HIP1R: variants seen among roughly 807,000 people sequenced by gnomAD.
HIP1R encodes the protein huntingtin interacting protein 1 related.
In HIP1R, 135 loss-of-function variants were observed where a neutral mutation model predicts 144.2. The ratio of observed to expected loss-of-function variants is 0.94; its 90% confidence interval spans 0.81 to 1.08. The LOEUF (loss-of-function observed/expected upper bound fraction) is 1.08. Ranked by LOEUF, HIP1R falls within the 50% of genes least tolerant of loss-of-function variation. The pLI, the probability that HIP1R is intolerant of heterozygous loss-of-function variation, is 0.00. For missense variants in HIP1R, 1,462 were observed against 1,432.8 expected, an observed-to-expected ratio of 1.02 and a Z score of -0.33; for synonymous variants, 698 against 612.8, an observed-to-expected ratio of 1.14 and a Z score of -2.05.
intron 7 of HIP1R, among the ~76,000 whole-genome samples, chr12:122,852,804 A>G (rs190440107): frequency 6.6e-6 from 1 of 152,168 alleles, no homozygotes; most frequent in Non-Finnish European, 1.5e-5. Context: ...GTGTGAAATC[A>G]AGCAGATTGC....
chr12:122,841,821 T>TG (rs1245878284), intron 1 of HIP1R, among the ~76,000 whole-genome samples: 1 of 152,108 alleles, frequency 6.6e-6, no homozygotes, highest in Non-Finnish European at 1.5e-5. Context: ...CCACAAAGCC[T>TG]GGGGCGGAGG....
chr12:122,836,127 C>T lies in HIP1R; in HGVS notation c.93+484C>T, dbSNP rs1374917460. ...TGCCGGCTCCTGCCCCCGTCTCCTA[C>T]CCCCTGAAACCGATGCCCCCACGGG... On this transcript the variant is annotated intron_variant, in intron 1 of 31. Coordinates refer to ENST00000253083, the MANE Select transcript of HIP1R (RefSeq NM_003959.3). This position sits in a 1 kb window ranked among gnomAD's most constrained non-coding sequence, Gnocchi z 4.1. 6.6e-6 allele frequency among the ~76,000 whole-genome samples: 1 copy of T among 152,002 alleles called. No homozygotes were observed. The highest frequency in any genetic ancestry group is 1.5e-5 in the Non-Finnish European group (1 of 67,988).
At chr12:122,857,806 A>T in intron 18 of HIP1R, 1 of 353,550 alleles carries the variant, frequency 2.8e-6, no homozygotes. Context: ...CACGGTCTTG[A>T]TTTGTGTTTC....
intron 7 of HIP1R, 146 bp downstream of exon 7, chr12:122,851,443 A>C: frequency 1.7e-6 from 1 of 598,262 alleles, no homozygotes. Context: ...CACATCTGTA[A>C]TCCCAGCATT....
chr12:122,838,489 A>G (rs1022589198), intron 1 of HIP1R, among the ~76,000 whole-genome samples: 1 of 152,164 alleles, frequency 6.6e-6, no homozygotes, highest in Non-Finnish European at 1.5e-5. Flanking sequence ...ACTAGTAGGT[A>G]GATAGACCTA....
At chr12:122,838,989 C>T (rs2032982719) in intron 1 of HIP1R, among the ~76,000 whole-genome samples, 1 of 152,204 alleles carries the variant, frequency 6.6e-6, no homozygotes, top group Non-Finnish European at 1.5e-5. Context: ...AGACTTCCGA[C>T]CTCCAGAACT....
chr12:122,857,128 G>A lies in HIP1R; in HGVS notation c.1728G>A (p.Leu576=), dbSNP rs1473796302. 2 of 1,550,528 alleles carry A rather than the reference G, an allele frequency of 1.3e-6. No individual in the cohort carries two copies. Among genetic ancestry groups the A allele is most frequent in the South Asian group, 1.2e-5 (1 of 84,058 alleles). Residue 576 remains leucine, a synonymous_variant, in exon 18 of 32, where the codon CTG becomes CTA. Coordinates refer to ENST00000253083, the MANE Select transcript of HIP1R (RefSeq NM_003959.3). ...READLLAAQS[L]VRETEAALSR... ...CAGACCTGCTGGCGGCGCAGAGCCT[G>A]GTGCGCGAGACAGAGGCGGCGCTGA... is the stretch of plus-strand genomic sequence containing the variant.
At chr12:122,841,332 A>C (rs1017121454) in intron 1 of HIP1R, among the ~76,000 whole-genome samples, 4 of 152,200 alleles carry the variant, frequency 2.6e-5, no homozygotes, top group Non-Finnish European at 5.9e-5. Flanking sequence ...GGGTGGGCGC[A>C]TGTGTAGACC....
chr12:122,850,029 G>A (rs1395231848), intron 5 of HIP1R, 74 bp downstream of exon 5: 1 of 963,964 alleles, frequency 1.0e-6, no homozygotes, highest in Admixed American at 1.8e-5. Context: ...GGCACATGTT[G>A]GGACATCGAG....
Position 122,858,204 on chromosome 12 carries a change from AG to A in HIP1R, c.1919del (p.Ser640ThrfsTer19). 6.2e-7 allele frequency: 1 copy of A among 1,608,024 alleles called. No individual in the cohort carries two copies. ...EAAGILQDAV[S>X]KLDDPLHLRC... is the part of the protein sequence containing the mutation. Reference sequence around the variant, plus strand: ...CGCGGGCATCCTGCAGGATGCCGTGAGCAAGCTGGACGACCCCCTGCACCTG... The same window carrying A: ...CGCGGGCATCCTGCAGGATGCCGTGACAAGCTGGACGACCCCCTGCACCTG... On this transcript the variant is annotated frameshift_variant, in exon 19 of 32. Coordinates refer to ENST00000253083, the MANE Select transcript of HIP1R (RefSeq NM_003959.3). LOFTEE classifies it high-confidence loss of function.
chr12:122,850,083 G>T, intron 5 of HIP1R, 128 bp downstream of exon 5: 1 of 732,608 alleles, frequency 1.4e-6, no homozygotes. Context: ...TCACCTTCTT[G>T]TCCCAACTAT....
Position 122,861,236 on chromosome 12 carries a change from G to C in HIP1R, c.2952+44G>C, listed in dbSNP as rs369408228. 1,429 of 1,613,092 alleles carry C rather than the reference G, an allele frequency of 8.9e-4. 15 individuals carry two copies. The South Asian group carries it at 0.015, about 17-fold the overall frequency. Reference sequence around the variant, plus strand: ...CCCGTGACCTCTGAGCTCATCCCTCGGGCGAAGCCTGGACCCAGGAGAGAG... The same window carrying C: ...CCCGTGACCTCTGAGCTCATCCCTCCGGCGAAGCCTGGACCCAGGAGAGAG... On this transcript the variant is annotated intron_variant, in intron 30 of 31. Transcript: ENST00000253083.
chr12:122,852,794 G>A (rs1421243200), intron 7 of HIP1R, among the ~76,000 whole-genome samples: 1 of 152,180 alleles, frequency 6.6e-6, no homozygotes, highest in Non-Finnish European at 1.5e-5. Flanking sequence ...ACATTCTACT[G>A]TGTGAAATCA....
At chr12:122,845,664 G>A (rs1388191379) in intron 1 of HIP1R, among the ~76,000 whole-genome samples, 2 of 152,204 alleles carry the variant, frequency 1.3e-5, no homozygotes, top group East Asian at 1.9e-4. Flanking sequence ...CTGGGTGAGG[G>A]GAGAGGGTGA....
Position 122,855,831 on chromosome 12 carries a change from G to A in HIP1R, c.1056G>A (p.Arg352=), listed in dbSNP as rs757527644. 11 of 1,562,270 alleles carry A rather than the reference G, an allele frequency of 7.0e-6. No individual in the cohort carries two copies. The Admixed American group carries it at 2.1e-4, about 30-fold the overall frequency. The change falls in exon 13 of 32, where the codon AGG becomes AGA. Residue 352 remains arginine (R), a splice_region_variant and synonymous_variant. Coordinates refer to ENST00000253083, the MANE Select transcript of HIP1R (RefSeq NM_003959.3). Reference sequence around the variant, plus strand: ...TGAACCCCAGGACCTCTGTCCCCAGGGACCTCCAGATTGAGAGCTTGAAGA... The same window carrying A: ...TGAACCCCAGGACCTCTGTCCCCAGAGACCTCCAGATTGAGAGCTTGAAGA... The part of the protein sequence containing the change: ...GPPNGSVKDD[R]DLQIESLKRE...
chr12:122,848,829 A>G lies in HIP1R; in HGVS notation c.334A>G (p.Ile112Val). 2 of 1,613,248 alleles carry G rather than the reference A, an allele frequency of 1.2e-6. No individual in the cohort carries two copies. Among genetic ancestry groups the G allele is most frequent in the South Asian group, 1.1e-5 (1 of 91,088 alleles). ...LHDCQRYRSN[I>V]REIGDLWGHL... ...TGACTGCCAGCGGTACCGCAGCAAC[A>G]TCCGGGAGATTGGAGACCTGTGGGT... The change falls in exon 4 of 32, where the codon ATC (isoleucine) becomes GTC (valine). Residue 112 changes from isoleucine (I) to valine (V), a missense_variant. Physicochemically the swap from Ile to Val is conservative, Grantham distance 29. Coordinates refer to ENST00000253083, the MANE Select transcript of HIP1R (RefSeq NM_003959.3).
intron 7 of HIP1R, among the ~76,000 whole-genome samples, chr12:122,851,792 C>T (rs1354193475): frequency 2.0e-5 from 3 of 152,312 alleles, no homozygotes; most frequent in Non-Finnish European, 2.9e-5. Context: ...CAGGCCCCAG[C>T]GGGTACATCC....
chr12:122,855,918 T>C lies in HIP1R; in HGVS notation c.1128+15T>C, dbSNP rs2033556972. 8.1e-7 allele frequency: 1 copy of C among 1,236,112 alleles called. No individual in the cohort carries two copies. The highest frequency in any genetic ancestry group is 1.1e-6 in the Non-Finnish European group (1 of 877,868). 76.6% of individuals were successfully genotyped at this position (1,236,112 alleles called of 1,614,324 possible). ...TCAAGCTGGAGGTGCGGGGTGGGGA[T>C]GGGTGGGGGCCAGGGCCCCTCACGG... On this transcript the variant is annotated intron_variant, in intron 13 of 31. Coordinates refer to ENST00000253083, the MANE Select transcript of HIP1R (RefSeq NM_003959.3).
intron 7 of HIP1R, among the ~76,000 whole-genome samples, chr12:122,851,752 A>G (rs185975138): frequency 2.7e-4 from 41 of 152,024 alleles, no homozygotes; most frequent in African/African-American, 8.4e-4. Flanking sequence ...GGGATAGGTA[A>G]TGGGGCCTCC....
Sources: allele counts gnomAD v4.1 joint callset (sites outside exome capture counted in the v4.1 genomes callset), GRCh38; gene constraint gnomAD v4.1.1; non-coding constraint Gnocchi (gnomAD v3.1); transcripts MANE v1.5; gene names NCBI Gene and HGNC (gene_info 2026-07-23, HGNC 2026-07-21).